The following RBM19 variants were observed in gnomAD, a reference collection of about 807,000 sequenced individuals.
RBM19 encodes the protein RNA binding motif protein 19.
RBM19 carries 94 observed loss-of-function variants against 116.8 expected under a neutral mutation model. That is an observed-to-expected ratio of 0.80 (90% confidence interval 0.68 to 0.95). The LOEUF is 0.95. Among genes scored for constraint, RBM19 ranks in the 40% least tolerant of loss-of-function variants. The pLI is 0.00. For missense variants in RBM19, 1,161 were observed against 1,220.7 expected (o/e 0.95, Z 0.73); for synonymous variants, 475 against 494.1 (o/e 0.96, Z 0.51).
intron 8 of RBM19, among the ~76,000 whole-genome samples, chr12:113,950,906 G>A (rs1162899943): frequency 1.3e-5 from 2 of 151,606 alleles, no homozygotes; most frequent in Non-Finnish European, 2.9e-5. Flanking sequence ...CCTCTCCATG[G>A]CCACACCCTA....
At chr12:113,850,759 C>T (rs574845647) in intron 22 of RBM19, among the ~76,000 whole-genome samples, 2 of 152,246 alleles carry the variant, frequency 1.3e-5, no homozygotes, top group African/African-American at 4.8e-5. Context: ...AAGGCATTCT[C>T]CTGGCCCCTT....
chr12:113,927,608 A>AACAAAAC (rs376177624), intron 16 of RBM19, among the ~76,000 whole-genome samples: 1 of 119,488 alleles, frequency 8.4e-6, no homozygotes, highest in Non-Finnish European at 2.0e-5. Flanking sequence ...AAAAAAACAA[A>AACAAAAC]AAAAAAAAAA....
At chr12:113,921,739 T>G (rs1868582626) in intron 18 of RBM19, among the ~76,000 whole-genome samples, 3 of 152,216 alleles carry the variant, frequency 2.0e-5, no homozygotes, top group Non-Finnish European at 4.4e-5. Context: ...TTTTGGAGGC[T>G]CGAGGCTGCA....
rs540220341 is a variant in RBM19, at chr12:113,957,798, G to A, written c.824C>T (p.Pro275Leu). The A allele has an allele frequency of 7.1e-5, 113 of 1,599,092 alleles. 2 individuals carry two copies. In the South Asian group the frequency reaches 1.1e-3, roughly 16 times the overall value. Reference protein sequence around the residue: ...QGMPAGKKRPPEARAETEKPA... With the variant: ...QGMPAGKKRPLEARAETEKPA... Reference sequence around the variant, plus strand: ...CACACGCACCTCGGCTCTGGCCTCCGGTGGTCTCTTTTTCCCAGCTGGCAT... The same window carrying A: ...CACACGCACCTCGGCTCTGGCCTCCAGTGGTCTCTTTTTCCCAGCTGGCAT... Residue 275 changes from proline to leucine, a missense_variant, in exon 6 of 24, where the codon CCG becomes CTG. Pro to Leu is a moderately conservative substitution (Grantham distance 98). Coordinates refer to ENST00000261741, the MANE Select transcript of RBM19 (RefSeq NM_016196.4).
In RBM19 at chr12:113,957,087, G is replaced by A. The variant is rs548039677; in HGVS notation, c.840+695C>T. Among the ~76,000 whole-genome samples, 9 of 152,296 alleles carry A rather than the reference G, an allele frequency of 5.9e-5. No homozygotes were observed. The South Asian group carries it at 1.0e-3, about 18-fold the overall frequency. On this transcript the variant is annotated intron_variant, in intron 6 of 23. Transcript: ENST00000261741. ...TTGGTGGGATATGGGTGTGTTGACC[G>A]GGGCTGCTCCAGTTTGCCCGGGATA...
intron 15 of RBM19, among the ~76,000 whole-genome samples, chr12:113,937,864 G>T (rs1277752002): frequency 6.6e-6 from 1 of 152,108 alleles, no homozygotes; most frequent in African/African-American, 2.4e-5. Flanking sequence ...CAGGACAGGG[G>T]TGGGAGTGAG....
At chr12:113,925,880 T>C (rs1312449315) in intron 17 of RBM19, among the ~76,000 whole-genome samples, 1 of 152,202 alleles carries the variant, frequency 6.6e-6, no homozygotes, top group African/African-American at 2.4e-5. Context: ...CATTCAAATC[T>C]ATCTGACATA....
intron 14 of RBM19, among the ~76,000 whole-genome samples, chr12:113,941,767 G>A (rs1179901320): frequency 1.3e-5 from 2 of 152,196 alleles, no homozygotes; most frequent in African/African-American, 4.8e-5. Flanking sequence ...TGAAAGGGCT[G>A]TTTTGGGAGT....
chr12:113,928,624 G>GGTGTGGGTGTGTGTGT (rs757641377), intron 16 of RBM19, among the ~76,000 whole-genome samples: 4 of 54,270 alleles, frequency 7.4e-5, no homozygotes, highest in African/African-American at 3.0e-4. Context: ...GTTAGCAAGG[G>GGTGTGGGTGTGTGTGT]ATGTGTGTGT....
Position 113,957,870 on chromosome 12 carries a change from G to A in RBM19, c.752C>T (p.Pro251Leu). ...CTTGCTGTCTCTTTCCTGCAGGACT[G>A]GGGTGGCGGAGGAATCCTCTTCCTC... ...EAEEEDSSAT[P>L]VLQERDSKGA... Residue 251 changes from proline to leucine, a missense_variant, in exon 6 of 24, where the codon CCA becomes CTA. Physicochemically the swap from Pro to Leu is moderately conservative, Grantham distance 98. Coordinates refer to ENST00000261741, the MANE Select transcript of RBM19 (RefSeq NM_016196.4). The A allele has an allele frequency of 6.2e-7, 1 of 1,614,128 alleles. No individual in the cohort carries two copies. Among genetic ancestry groups the A allele is most frequent in the African/African-American group, 1.3e-5 (1 of 75,044 alleles).
intron 21 of RBM19, among the ~76,000 whole-genome samples, chr12:113,872,496 C>G (rs1023869368): frequency 6.6e-5 from 9 of 135,674 alleles, no homozygotes; most frequent in African/African-American, 2.4e-4. Flanking sequence ...TCTGCCCGGC[C>G]AGCCGCCCCA....
At chr12:113,855,204 T>G (rs1365690154) in intron 22 of RBM19, among the ~76,000 whole-genome samples, 2 of 152,158 alleles carry the variant, frequency 1.3e-5, no homozygotes, top group African/African-American at 4.8e-5. Flanking sequence ...ACTGTGGTGT[T>G]GAGGGGATGC....
At chr12:113,853,467 G>A (rs1332043058) in intron 22 of RBM19, among the ~76,000 whole-genome samples, 1 of 152,222 alleles carries the variant, frequency 6.6e-6, no homozygotes, top group Non-Finnish European at 1.5e-5. Context: ...ACAAAGGCAC[G>A]GCAGGCCTGG....
At chr12:113,908,577 A>AG (rs1450255425) in intron 21 of RBM19, among the ~76,000 whole-genome samples, 2 of 124,668 alleles carry the variant, frequency 1.6e-5, no homozygotes, top group East Asian at 4.1e-4. Flanking sequence ...AAATAGCAAA[A>AG]AAAAAAAAAA....
chr12:113,961,549 C>T (rs570174175), intron 2 of RBM19, among the ~76,000 whole-genome samples: 2 of 152,232 alleles, frequency 1.3e-5, no homozygotes, highest in African/African-American at 4.8e-5. Flanking sequence ...TAGAGGAATA[C>T]GATTGTGTCT....
chr12:113,819,255 C>T (rs1874265416), downstream of RBM19, among the ~76,000 whole-genome samples: 1 of 152,196 alleles, frequency 6.6e-6, no homozygotes, highest in Non-Finnish European at 1.5e-5. Context: ...AGGCCTCATC[C>T]AGATGTGTGC....
intron 23 of RBM19, among the ~76,000 whole-genome samples, chr12:113,833,158 C>T (rs986630670): frequency 1.3e-5 from 2 of 152,176 alleles, no homozygotes; most frequent in Non-Finnish European, 2.9e-5. Flanking sequence ...CTGTCCTTCC[C>T]AGCTTCCTGG....
chr12:113,820,694 G>C (rs1874359252), downstream of RBM19, among the ~76,000 whole-genome samples: 1 of 152,178 alleles, frequency 6.6e-6, no homozygotes, highest in African/African-American at 2.4e-5. Flanking sequence ...GATCTCTGTG[G>C]GAGTGGACTC....
intron 23 of RBM19, among the ~76,000 whole-genome samples, chr12:113,843,596 T>C (rs140620836): frequency 3.9e-5 from 6 of 152,304 alleles, no homozygotes; most frequent in East Asian, 1.9e-4. Flanking sequence ...GCTGCCCTTT[T>C]GCTGCCGGGC....
Sources: allele counts gnomAD v4.1 joint callset (sites outside exome capture counted in the v4.1 genomes callset), GRCh38; gene constraint gnomAD v4.1.1; transcripts MANE v1.5; gene names NCBI Gene and HGNC (gene_info 2026-07-23, HGNC 2026-07-21).